GPC6: variants seen among roughly 807,000 people sequenced by gnomAD.
GPC6 encodes the protein glypican-6.
In GPC6, 14 loss-of-function variants were observed where a neutral mutation model predicts 55.2. The ratio of observed to expected loss-of-function variants is 0.25; its 90% CI spans 0.17 to 0.40. The LOEUF (loss-of-function observed/expected upper bound fraction) is 0.40. Among genes scored for constraint, GPC6 ranks in the 10% least tolerant of loss-of-function variants. The pLI is 1.00. For synonymous variants in GPC6, 278 were observed against 259.6 expected, an observed-to-expected ratio of 1.07 and a Z score of -0.68; for missense variants, 641 against 708.5, an observed-to-expected ratio of 0.90 and a Z score of 1.08.
rs566985891 is a variant in GPC6, at chr13:94,149,334, C to T, written c.877+121440C>T. On this transcript the variant is annotated intron_variant, in intron 4 of 8. Transcript: ENST00000377047. The stretch of plus-strand genomic sequence containing the variant: ...CCAGCTCAGATGGCCTGCTTGTCCC[C>T]AGGAAAAGCTGTGAGAAAGGATATT... Among the ~76,000 whole-genome samples the T allele has an allele frequency of 2.0e-5, 3 of 152,220 alleles. No homozygotes were observed. The South Asian group carries it at 6.2e-4, about 32-fold the overall frequency.
chr13:94,156,498 A>G (rs763080580), intron 4 of GPC6, among the ~76,000 whole-genome samples: 4 of 152,172 alleles, frequency 2.6e-5, no homozygotes, highest in Non-Finnish European at 5.9e-5. Flanking sequence ...AGTGAGAACA[A>G]TTGTGATGTT....
chr13:94,153,444 A>T (rs1170338554), intron 4 of GPC6, among the ~76,000 whole-genome samples: 1 of 152,172 alleles, frequency 6.6e-6, no homozygotes, highest in African/African-American at 2.4e-5. Flanking sequence ...AATAGCAGCA[A>T]GTCTTTATGA....
intron 1 of GPC6, among the ~76,000 whole-genome samples, chr13:93,273,033 A>G (rs1402111408): frequency 1.3e-5 from 2 of 152,230 alleles, no homozygotes; most frequent in African/African-American, 4.8e-5. Flanking sequence ...TACCCTTCTC[A>G]ACAAAAGCTG....
chr13:94,170,752 T>A (rs534764414), intron 4 of GPC6, among the ~76,000 whole-genome samples: 2 of 152,222 alleles, frequency 1.3e-5, no homozygotes, highest in South Asian at 4.1e-4. Context: ...ATGAGAGTTT[T>A]CAGTAAATTG....
intron 2 of GPC6, among the ~76,000 whole-genome samples, chr13:93,701,319 G>A (rs1882659994): frequency 6.6e-6 from 1 of 151,958 alleles, no homozygotes; most frequent in Admixed American, 6.6e-5. Flanking sequence ...CAACATCATT[G>A]GTTTCTCAGT....
chr13:93,704,845 C>G (rs1479748257), intron 2 of GPC6, among the ~76,000 whole-genome samples: 1 of 151,912 alleles, frequency 6.6e-6, no homozygotes, highest in Non-Finnish European at 1.5e-5. Flanking sequence ...GAGGCATGAT[C>G]TGGTTGGATC....
chr13:94,192,839 T>A, intron 4 of GPC6, among the ~76,000 whole-genome samples: 1 of 152,158 alleles, frequency 6.6e-6, no homozygotes, highest in East Asian at 1.9e-4. Flanking sequence ...TGAGCCCCAA[T>A]TTGGTGGTAC....
intron 4 of GPC6, among the ~76,000 whole-genome samples, chr13:94,057,902 T>C (rs1594701759): frequency 6.6e-6 from 1 of 152,186 alleles, no homozygotes; most frequent in Non-Finnish European, 1.5e-5. Flanking sequence ...TCAAACTCAC[T>C]ATAGATTCAT....
intron 1 of GPC6, among the ~76,000 whole-genome samples, chr13:93,463,088 T>C (rs1878762107): frequency 6.6e-6 from 1 of 152,194 alleles, no homozygotes; most frequent in South Asian, 2.1e-4. Context: ...AAAAATACAT[T>C]GTACCACAAC....
chr13:93,822,300 C>G (rs1255803813), intron 2 of GPC6, among the ~76,000 whole-genome samples: 2 of 151,844 alleles, frequency 1.3e-5, no homozygotes, highest in East Asian at 3.9e-4. Context: ...AGTGATAATC[C>G]CAGGTTCTGT....
At chr13:93,962,444 A>G (rs1879827171) in intron 3 of GPC6, among the ~76,000 whole-genome samples, 1 of 152,034 alleles carries the variant, frequency 6.6e-6, no homozygotes, top group South Asian at 2.1e-4. Context: ...TTCTTTCTCT[A>G]ACCTGGATTC....
Position 94,382,570 on chromosome 13 carries a change from T to G in GPC6, c.1289+20T>G, listed in dbSNP as rs1401874053. On this transcript the variant is annotated intron_variant, in intron 7 of 8. Coordinates refer to ENST00000377047, the MANE Select transcript of GPC6 (RefSeq NM_005708.5). ...AGCCAGGTGAGGGTGACTCGATGTGTGCATGGATGGGGGCACAGCACACCC... is the reference window on the plus strand; with the variant it reads ...AGCCAGGTGAGGGTGACTCGATGTGGGCATGGATGGGGGCACAGCACACCC... The G allele has an allele frequency of 5.0e-6, 8 of 1,613,742 alleles. No homozygotes were observed.
intron 4 of GPC6, among the ~76,000 whole-genome samples, chr13:94,165,729 A>G (rs772665594): frequency 3.5e-4 from 53 of 152,144 alleles, no homozygotes; most frequent in Admixed American, 6.6e-4. Context: ...ATTTATCACT[A>G]TTTTTACAAA....
At chr13:93,221,860 T>C (rs1372608687), upstream of GPC6, among the ~76,000 whole-genome samples, 2 of 152,216 alleles carry the variant, frequency 1.3e-5, no homozygotes, top group African/African-American at 4.8e-5. Flanking sequence ...ACACTTGAAG[T>C]CCATTCTCCT....
At chr13:93,777,407 C>T (rs1885505972) in intron 2 of GPC6, among the ~76,000 whole-genome samples, 1 of 152,136 alleles carries the variant, frequency 6.6e-6, no homozygotes, top group African/African-American at 2.4e-5. Flanking sequence ...CACATCTACC[C>T]TTTTGCTCAG....
chr13:94,375,467 T>C (rs113350028), intron 6 of GPC6, among the ~76,000 whole-genome samples: 2 of 151,954 alleles, frequency 1.3e-5, no homozygotes, highest in East Asian at 3.9e-4. Flanking sequence ...ATAAATTCCT[T>C]GACACATACA....
chr13:93,692,176 C>A (rs1398069877), intron 2 of GPC6, among the ~76,000 whole-genome samples: 1 of 151,992 alleles, frequency 6.6e-6, no homozygotes, highest in Non-Finnish European at 1.5e-5. Context: ...TTGCCTTTTG[C>A]CCATGGAATA....
intron 2 of GPC6, among the ~76,000 whole-genome samples, chr13:93,781,813 T>C (rs74110905): frequency 0.036 from 5,555 of 152,224 alleles, 289 homozygotes; most frequent in East Asian, 0.17. Flanking sequence ...TGAAAAATTA[T>C]ATATGTATAA....
chr13:93,229,032 C>G (rs531384028), intron 1 of GPC6, among the ~76,000 whole-genome samples: 25 of 152,272 alleles, frequency 1.6e-4, no homozygotes, highest in African/African-American at 5.8e-4. Context: ...GCCAGACATT[C>G]CCTTTGCTGA....
Sources: allele counts gnomAD v4.1 joint callset (sites outside exome capture counted in the v4.1 genomes callset), GRCh38; gene constraint gnomAD v4.1.1; transcripts MANE v1.5; gene names NCBI Gene and HGNC (gene_info 2026-07-23, HGNC 2026-07-21).